Variants in STX8 observed in about 807,000 individuals in gnomAD.
The protein encoded by STX8 is syntaxin-8.
In STX8, 23 loss-of-function variants were observed where a neutral mutation model predicts 37.5. The observed-to-expected ratio is 0.61, with a 90% CI of 0.44 to 0.87. The LOEUF (loss-of-function observed/expected upper bound fraction) is 0.87, where lower values mean the gene tolerates loss of function less well. Among genes scored for constraint, STX8 ranks in the 40% least tolerant of loss-of-function variants. STX8 has a pLI of 0.00. For synonymous variants in STX8, 115 were observed against 99.1 expected (o/e 1.16, Z -0.95); for missense variants, 313 against 284.7 (o/e 1.10, Z -0.71).
chr17:9,422,389 G>A (rs1027587745), intron 6 of STX8, among the ~76,000 whole-genome samples: 1 of 152,226 alleles, frequency 6.6e-6, no homozygotes, highest in Non-Finnish European at 1.5e-5. Context: ...TTACAGGTGT[G>A]AGCCACCATG....
intron 7 of STX8, among the ~76,000 whole-genome samples, chr17:9,260,862 A>T (rs1906994277): frequency 6.6e-6 from 1 of 152,234 alleles, no homozygotes; most frequent in Admixed American, 6.5e-5. Flanking sequence ...CACCGGGCTG[A>T]TGAGGCACTG....
At chr17:9,349,088 T>C (rs186746015) in intron 7 of STX8, among the ~76,000 whole-genome samples, 77 of 152,054 alleles carry the variant, frequency 5.1e-4, no homozygotes, top group African/African-American at 1.7e-3. Context: ...GCCTTCCGGG[T>C]TCAAGTGATT....
At chr17:9,397,391 C>T (rs569285560) in intron 6 of STX8, among the ~76,000 whole-genome samples, 4 of 152,066 alleles carry the variant, frequency 2.6e-5, no homozygotes, top group African/African-American at 7.2e-5. Context: ...AGCAAGACTC[C>T]GTGTTGAAAA....
intron 7 of STX8, among the ~76,000 whole-genome samples, chr17:9,322,861 A>G (rs1234117430): frequency 6.7e-6 from 1 of 149,392 alleles, no homozygotes; most frequent in Non-Finnish European, 1.5e-5. Context: ...CCTCATTTGA[A>G]GTTGAAGAAA....
At chr17:9,427,674 A>G (rs187466642) in intron 6 of STX8, among the ~76,000 whole-genome samples, 3 of 152,228 alleles carry the variant, frequency 2.0e-5, no homozygotes, top group Non-Finnish European at 4.4e-5. Flanking sequence ...CAGAGTGGCA[A>G]CTGTTGGCTC....
intron 7 of STX8, among the ~76,000 whole-genome samples, chr17:9,353,373 T>C (rs1217805011): frequency 6.6e-6 from 1 of 152,204 alleles, no homozygotes; most frequent in Admixed American, 6.5e-5. Context: ...GAGTGAATAG[T>C]ATTTAGAAAC....
At chr17:9,266,147 G>T (rs1334406741) in intron 7 of STX8, among the ~76,000 whole-genome samples, 1 of 152,192 alleles carries the variant, frequency 6.6e-6, no homozygotes, top group Non-Finnish European at 1.5e-5. Context: ...CATTACAAAA[G>T]TTGGTTGGAA....
intron 7 of STX8, among the ~76,000 whole-genome samples, chr17:9,374,209 G>C (rs912700137): frequency 2.0e-5 from 3 of 151,586 alleles, no homozygotes; most frequent in Non-Finnish European, 4.4e-5. Flanking sequence ...AGCTTCCCAA[G>C]CAACTGGGAC....
chr17:9,394,909 C>G (rs915979944), intron 6 of STX8, among the ~76,000 whole-genome samples: 1 of 150,238 alleles, frequency 6.7e-6, no homozygotes, highest in Non-Finnish European at 1.5e-5. Context: ...AACCCCATCT[C>G]TACTAAAAAT....
At position 9,426,772 on chromosome 17, in the gene STX8, A is replaced by T. The variant is rs533790154; in HGVS notation, c.542-48119T>A. ...GCGAGACTGTCTCAAAAAATAAAGT[A>T]AAATAAAGAATGATGGTGGTAAAAT... On this transcript the variant is annotated intron_variant, in intron 6 of 7. Coordinates refer to ENST00000306357, the MANE Select transcript of STX8 (RefSeq NM_004853.3). Among the ~76,000 whole-genome samples, 9 of 152,276 alleles carry T rather than the reference A, an allele frequency of 5.9e-5. No individual in the cohort carries two copies. The South Asian group carries it at 1.0e-3, about 18-fold the overall frequency.
chr17:9,340,837 AGTAGAGACGGG>A (rs1360926935), intron 7 of STX8, among the ~76,000 whole-genome samples: 8 of 150,078 alleles, frequency 5.3e-5, no homozygotes, highest in Non-Finnish European at 1.2e-4. Context: ...TTGTATTTTT[AGTAGAGACGGG>A]GTTTCTCCAT....
rs571392884 is a variant in STX8 at position 9,412,340 on chromosome 17, C to A, written c.542-33687G>T. On this transcript the variant is annotated intron_variant, in intron 6 of 7. Transcript: ENST00000306357. ...TGTTGCCCAGGCTGGAGTGCAATGG[C>A]ACAATCTCAGCTCACTGCAACCTCT... 3.3e-5 allele frequency among the ~76,000 whole-genome samples: 5 copies of A among 151,082 alleles called. No homozygotes were observed. The East Asian group carries it at 9.7e-4, about 29-fold the overall frequency.
At chr17:9,379,527 G>T (rs1911720609) in intron 6 of STX8, among the ~76,000 whole-genome samples, 1 of 152,158 alleles carries the variant, frequency 6.6e-6, no homozygotes, top group African/African-American at 2.4e-5. Context: ...AATTGAAAGT[G>T]CTAATTTCTT....
rs1341740086 is a variant in STX8, at chr17:9,361,266, T to G, written c.643+17286A>C. 5.9e-5 allele frequency among the ~76,000 whole-genome samples: 9 copies of G among 152,238 alleles called. No homozygotes were observed. The East Asian group carries it at 1.5e-3, about 26-fold the overall frequency. ...GTTATTTAAAAGCTAATACCAGGGC[T>G]TATGCCACTGAATTTCCAAGGGACT... is the stretch of plus-strand genomic sequence containing the variant. On this transcript the variant is annotated intron_variant, in intron 7 of 7. Coordinates refer to ENST00000306357, the MANE Select transcript of STX8 (RefSeq NM_004853.3).
Position 9,429,751 on chromosome 17 carries a change from TTATATTTTATATATTATATATAACATA to T in STX8, c.542-51125_542-51099del, listed in dbSNP as rs1567556499. Among the ~76,000 whole-genome samples, 10 of 30,178 alleles carry T rather than the reference TTATATTTTATATATTATATATAACATA, an allele frequency of 3.3e-4. 1 individual carries two copies. The highest frequency in any genetic ancestry group is 2.0e-3 in the Admixed American group (4 of 1,960). The allele number at this position is 30,178 out of a possible 152,430, so 19.8% of individuals were successfully genotyped here. ...TATATTATATTATATATTATATATA[TTATATTTTATATATTATATATAACATA>T]TATATTTTATATATTATATATAACA... On this transcript the variant is annotated intron_variant, in intron 6 of 7. Transcript: ENST00000306357.
At chr17:9,470,325 C>A (rs541117958) in intron 6 of STX8, among the ~76,000 whole-genome samples, 2 of 152,200 alleles carry the variant, frequency 1.3e-5, no homozygotes, top group African/African-American at 4.8e-5. Flanking sequence ...CTCTTTCTTA[C>A]GCTGTCTTTC....
intron 7 of STX8, among the ~76,000 whole-genome samples, chr17:9,336,986 T>C (rs1475541060): frequency 6.6e-6 from 1 of 152,080 alleles, no homozygotes; most frequent in Non-Finnish European, 1.5e-5. Flanking sequence ...AAGTTTAAAG[T>C]AAAATGGAAT....
intron 7 of STX8, among the ~76,000 whole-genome samples, chr17:9,296,324 C>T (rs554808327): frequency 1.2e-3 from 111 of 95,880 alleles, no homozygotes; most frequent in Non-Finnish European, 2.0e-3. Flanking sequence ...CCAGCCTGGG[C>T]GACAGAGACT....
chr17:9,498,623 G>A (rs1342411170), intron 5 of STX8, among the ~76,000 whole-genome samples: 1 of 152,150 alleles, frequency 6.6e-6, no homozygotes, highest in African/African-American at 2.4e-5. Flanking sequence ...AGATTCCCCA[G>A]TGTGAAATGG....
Sources: allele counts gnomAD v4.1 joint callset (sites outside exome capture counted in the v4.1 genomes callset), GRCh38; gene constraint gnomAD v4.1.1; transcripts MANE v1.5; gene names NCBI Gene and HGNC (gene_info 2026-07-23, HGNC 2026-07-21).